Variants in CD8B2 observed in about 807,000 individuals in gnomAD.
CD8B2 encodes CD8B family member 2.
Under a neutral mutation model 23.7 loss-of-function variants are expected in CD8B2, and 11 were observed. That is an observed-to-expected ratio of 0.46 (90% CI 0.29 to 0.77). The LOEUF is 0.77. CD8B2 is among the 30% of genes least tolerant of loss of function. The pLI, the probability that CD8B2 is intolerant of heterozygous loss-of-function variation, is 0.09. For synonymous variants in CD8B2, 90 were observed against 109.3 expected (o/e 0.82, Z 1.10); for missense variants, 197 against 270.5 (o/e 0.73, Z 1.91).
chr2:106,507,756 A>G lies in CD8B2; in HGVS notation c.*816A>G, dbSNP rs750687247. Reference sequence around the variant, plus strand: ...GAAACCAGAAGGAGAAAATTTGTACATCCTCCTTTTGCACCTGAGATCCTC... The same window carrying G: ...GAAACCAGAAGGAGAAAATTTGTACGTCCTCCTTTTGCACCTGAGATCCTC... On this transcript the variant is annotated 3_prime_UTR_variant, in exon 6 of 6. Coordinates refer to ENST00000643224, the MANE Select transcript of CD8B2 (RefSeq NM_001349727.2). 3 of 553,616 alleles carry G rather than the reference A, an allele frequency of 5.4e-6. No homozygotes were observed. Among genetic ancestry groups the G allele is most frequent in the Non-Finnish European group, 6.9e-6 (3 of 435,720 alleles). The allele number at this position is 553,616 out of a possible 1,614,324, so 34.3% of individuals were successfully genotyped here.
At position 106,509,979 on chromosome 2, in the gene CD8B2, G is replaced by A. The variant is rs963125227; in HGVS notation, c.*3039G>A. ...GACTGGTCAGATAAATTCAGACACA[G>A]TCTAATAAGGGGGTTTAGGCGGCTG... On this transcript the variant is annotated 3_prime_UTR_variant, in exon 6 of 6. Transcript: ENST00000643224. The A allele has an allele frequency of 1.3e-5, 2 of 152,204 alleles. No individual in the cohort carries two copies. Among genetic ancestry groups the A allele is most frequent in the Admixed American group, 6.5e-5 (1 of 15,278 alleles). 9.4% of individuals were successfully genotyped at this position (152,204 alleles called of 1,614,324 possible). A position where few individuals can be genotyped will look rare whatever the true frequency, so the allele number is the denominator to read the frequency against.
chr2:106,516,749 C>A (rs1011987486), intron 5 of CD8B2, among the ~76,000 whole-genome samples: 2 of 151,916 alleles, frequency 1.3e-5, no homozygotes, highest in African/African-American at 4.8e-5. Context: ...TAAGTTATAC[C>A]ACACATATAA....
chr2:106,513,071 C>T (rs1679667875), downstream of CD8B2, among the ~76,000 whole-genome samples: 1 of 152,016 alleles, frequency 6.6e-6, no homozygotes, highest in African/African-American at 2.4e-5. Context: ...GCACAGCCCT[C>T]CCTCTCCACT....
At chr2:106,499,255 A>G (rs1679354592) in intron 3 of CD8B2, among the ~76,000 whole-genome samples, 1 of 152,096 alleles carries the variant, frequency 6.6e-6, no homozygotes, top group Admixed American at 6.6e-5. Context: ...TAGTTGAGCT[A>G]GGCATGGTGG....
intron 5 of CD8B2, among the ~76,000 whole-genome samples, chr2:106,525,229 G>A (rs1378767527): frequency 6.6e-6 from 1 of 152,112 alleles, no homozygotes; most frequent in African/African-American, 2.4e-5. Flanking sequence ...TCTTGTCCAC[G>A]CTCACCTAGT....
intron 2 of CD8B2, among the ~76,000 whole-genome samples, chr2:106,495,249 C>A (rs1489067462): frequency 6.6e-6 from 1 of 151,698 alleles, no homozygotes; most frequent in Non-Finnish European, 1.5e-5. Context: ...GGGTGTAGGT[C>A]GGCCGGGTGC....
chr2:106,513,748 T>C (rs937823214), downstream of CD8B2, among the ~76,000 whole-genome samples: 5 of 151,908 alleles, frequency 3.3e-5, no homozygotes, highest in Admixed American at 2.0e-4. Context: ...TCAGCCAAGT[T>C]TGGGGGACAT....
intron 3 of CD8B2, among the ~76,000 whole-genome samples, chr2:106,501,497 C>T (rs562495793): frequency 3.2e-4 from 49 of 152,154 alleles, no homozygotes; most frequent in Non-Finnish European, 6.0e-4. Flanking sequence ...TCCTGGCCAA[C>T]GTGGTGAAAC....
rs1469493173 is a variant in CD8B2 at position 106,506,933 on chromosome 2, A to T, written c.626A>T (p.Tyr209Phe). ...CAACTTGCTGTTGTTTTCAGATTTTACAAATGAGCAGAGAATACGGTTTTG... is the reference window on the plus strand; with the variant it reads ...CAACTTGCTGTTGTTTTCAGATTTTTCAAATGAGCAGAGAATACGGTTTTG... The part of the protein sequence containing the change: ...RARLRFMKQF[Y>F]K Residue 209 changes from tyrosine (Y) to phenylalanine (F), a missense_variant, in exon 6 of 6, where the codon TAC (tyrosine) becomes TTC (phenylalanine). This residue lies in a region of CD8B2 where 22 missense variants were observed against 23.4 expected (regional missense o/e 0.94). Transcript: ENST00000643224. The T allele has an allele frequency of 1.3e-6, 2 of 1,597,858 alleles. No individual in the cohort carries two copies. Among genetic ancestry groups the T allele is most frequent in the Non-Finnish European group, 1.7e-6 (2 of 1,172,006 alleles).
chr2:106,543,491 C>T (rs56296499), intron 5 of CD8B2, among the ~76,000 whole-genome samples: 16,619 of 152,098 alleles, frequency 0.11, 1,068 homozygotes, highest in South Asian at 0.19. Context: ...GACTGCACTA[C>T]TGCACTCCAG....
chr2:106,488,074 T>C (rs1679113530), intron 1 of CD8B2, among the ~76,000 whole-genome samples: 1 of 152,046 alleles, frequency 6.6e-6, no homozygotes, highest in Non-Finnish European at 1.5e-5. Flanking sequence ...GGATTGTCCT[T>C]CTGAGTAAGC....
chr2:106,521,374 C>G (rs1382067406), intron 5 of CD8B2, among the ~76,000 whole-genome samples: 9 of 152,190 alleles, frequency 5.9e-5, no homozygotes, highest in African/African-American at 1.2e-4. Context: ...GGCACGGCTG[C>G]TAGCATTCAC....
chr2:106,536,769 A>G (rs979695472), intron 5 of CD8B2, among the ~76,000 whole-genome samples: 6 of 152,198 alleles, frequency 3.9e-5, no homozygotes, highest in Non-Finnish European at 8.8e-5. Flanking sequence ...AGATTCATCA[A>G]TGTGTTCAAT....
chr2:106,517,546 G>T (rs915876683), intron 5 of CD8B2, among the ~76,000 whole-genome samples: 1 of 151,742 alleles, frequency 6.6e-6, no homozygotes, highest in African/African-American at 2.4e-5. Flanking sequence ...TCTTAATTGC[G>T]CAACATTGAG....
Position 106,537,042 on chromosome 2 carries a change from C to G in CD8B2, c.621-6950C>G, listed in dbSNP as rs553271417. 2.0e-5 allele frequency among the ~76,000 whole-genome samples: 3 copies of G among 152,246 alleles called. No homozygotes were observed. The South Asian group carries it at 6.2e-4, about 32-fold the overall frequency. The stretch of plus-strand genomic sequence containing the variant: ...ACATCTGTGCTGTTGGCTCTAGGTG[C>G]CCTTTGTCTGTGAGGCCCTGATCCA... On this transcript the variant is annotated intron_variant, in intron 5 of 5. Coordinates refer to the CD8B2 transcript ENST00000416057.
intron 2 of CD8B2, among the ~76,000 whole-genome samples, chr2:106,493,510 G>A (rs372346551): frequency 2.0e-5 from 3 of 150,308 alleles, no homozygotes; most frequent in African/African-American, 7.4e-5. Flanking sequence ...TCTGAAAGAC[G>A]TCCCTGCTTC....
chr2:106,532,410 C>T (rs972764877), intron 5 of CD8B2, among the ~76,000 whole-genome samples: 4 of 152,124 alleles, frequency 2.6e-5, no homozygotes, highest in African/African-American at 9.7e-5. Context: ...AGTCCGGATC[C>T]AGACCCCAAG....
chr2:106,538,914 G>C (rs954035516), intron 5 of CD8B2, among the ~76,000 whole-genome samples: 6 of 152,162 alleles, frequency 3.9e-5, no homozygotes, highest in Admixed American at 6.5e-5. Context: ...CCCTCCCAGA[G>C]CTTGTGCACG....
intron 5 of CD8B2, among the ~76,000 whole-genome samples, chr2:106,526,118 C>T (rs1430430526): frequency 3.3e-5 from 5 of 151,852 alleles, no homozygotes; most frequent in African/African-American, 4.8e-5. Flanking sequence ...GGCATGCATC[C>T]GTAGTCCCAG....
Sources: gnomAD v4.1 joint callset for allele counts (sites outside exome capture counted in the v4.1 genomes callset) on GRCh38, gnomAD v4.1.1 for gene constraint, gnomAD v4.1.1 regional missense constraint, MANE v1.5 for transcripts, NCBI Gene and HGNC (gene_info 2026-07-23, HGNC 2026-07-21) for gene names.